Variants in HEPH observed in about 807,000 individuals in gnomAD.
HEPH encodes the protein hephaestin.
In HEPH, 69 loss-of-function variants were observed where a neutral mutation model predicts 80.8. The observed-to-expected ratio is 0.85, with a 90% CI of 0.70 to 1.04. HEPH has a LOEUF of 1.04. HEPH is among the 50% of genes least tolerant of loss of function. The probability of loss-of-function intolerance (pLI) is 0.00; values close to 1 mark genes in which losing one functional copy is unlikely to be tolerated. For synonymous variants in HEPH, 431 were observed against 322.8 expected, an observed-to-expected ratio of 1.34 and a Z score of -3.60; for missense variants, 1,115 against 891.3, an observed-to-expected ratio of 1.25 and a Z score of -3.20.
chrX:66,220,857 G>A (rs1351039035), intron 15 of HEPH, among the ~76,000 whole-genome samples: 6 of 110,857 alleles, frequency 5.4e-5, no homozygotes. Context: ...ACATCAGGTT[G>A]GTCATTTCCT....
Position 66,218,625 on chromosome X carries a change from C to G in HEPH, c.2563+10379C>G, listed in dbSNP as rs1260820033. ...AGTAAGGGCTTTATTCGACTGAGAG[C>G]TTCAGCAAGACTCATGTTTCCAACA... On this transcript the variant is annotated intron_variant, in intron 15 of 20. Coordinates refer to ENST00000343002, the MANE Select transcript of HEPH (RefSeq NM_001367233.3). Among the ~76,000 whole-genome samples the G allele has an allele frequency of 1.8e-5, 2 of 111,645 alleles. 1 individual carries two copies. The highest frequency in any genetic ancestry group is 3.8e-5 in the Non-Finnish European group (2 of 53,175).
At chrX:66,174,517 T>A (rs1342467389) in intron 4 of HEPH, among the ~76,000 whole-genome samples, 5 of 111,845 alleles carry the variant, frequency 4.5e-5, no homozygotes. Context: ...TTCCTCTGGG[T>A]AGATGCCCAA....
At position 66,260,123 on chromosome X, in the gene HEPH, TGTG is replaced by T; in HGVS notation, c.3065_3067del (p.Val1022del). On this transcript the variant is annotated inframe_deletion, in exon 19 of 21. Coordinates refer to ENST00000343002, the MANE Select transcript of HEPH (RefSeq NM_001367233.3). ...AGAATGGCGAGAACTACCGGGCAGA[TGTG>T]GTGGATCTGTTCCCAGGGACTTTTG... 1 of 1,209,250 alleles carries T rather than the reference TGTG, an allele frequency of 8.3e-7. No homozygotes were observed. The highest frequency in any genetic ancestry group is 1.1e-6 in the Non-Finnish European group (1 of 893,831).
At chrX:66,193,476 A>G (rs2087920114) in intron 7 of HEPH, 26 bp from the exon 8 acceptor site, 6 of 1,079,575 alleles carry the variant, frequency 5.6e-6, no homozygotes, top group Non-Finnish European at 6.3e-6. Context: ...ATGAAATAAT[A>G]TCATATTTTC....
chrX:66,201,791 G>T (rs1009500216), intron 12 of HEPH, among the ~76,000 whole-genome samples: 1 of 112,267 alleles, frequency 8.9e-6, no homozygotes, highest in Non-Finnish European at 1.9e-5. Flanking sequence ...CAATTTGGAG[G>T]CTATTGCAGT....
chrX:66,247,900 T>C (rs925432846), intron 15 of HEPH, among the ~76,000 whole-genome samples: 1 of 112,149 alleles, frequency 8.9e-6, no homozygotes, highest in African/African-American at 3.2e-5. Context: ...AACTAAATTA[T>C]AAATTAAGTT....
At chrX:66,263,536 T>G in intron 19 of HEPH, 108 bp from the exon 20 acceptor site, 1 of 839,112 alleles carries the variant, frequency 1.2e-6, no homozygotes, top group Non-Finnish European at 1.8e-6. Context: ...TTTTGCTTAC[T>G]TAATCACAGA....
intron 13 of HEPH, among the ~76,000 whole-genome samples, chrX:66,204,881 G>A (rs185122085): frequency 5.5e-4 from 62 of 111,852 alleles, no homozygotes; most frequent in Non-Finnish European, 1.0e-3. Flanking sequence ...TTAGTTGCTA[G>A]CATTCAGGTA....
rs200393902 is a variant in HEPH, at chrX:66,172,315, G to T, written c.168-40G>T. The T allele has an allele frequency of 2.1e-5, 24 of 1,153,318 alleles. No homozygotes were observed. The African/African-American group carries it at 4.0e-4, about 19-fold the overall frequency. ...GAAAAGGAACCTCTCAAGGCTTGAA[G>T]ATGGGGGGCAAAATTATGACTCTTT... On this transcript the variant is annotated intron_variant, in intron 2 of 20. Coordinates refer to ENST00000343002, the MANE Select transcript of HEPH (RefSeq NM_001367233.3).
chrX:66,262,154 G>A (rs745340769), intron 19 of HEPH, among the ~76,000 whole-genome samples: 1 of 111,939 alleles, frequency 8.9e-6, no homozygotes, highest in Non-Finnish European at 1.9e-5. Context: ...AACTCCATGT[G>A]TGTTAACAGG....
intron 15 of HEPH, among the ~76,000 whole-genome samples, chrX:66,243,234 A>G (rs971365510): frequency 8.9e-6 from 1 of 111,884 alleles, no homozygotes; most frequent in African/African-American, 3.2e-5. Flanking sequence ...AGAAACAGAA[A>G]ACCAAATACT....
chrX:66,258,999 GA>G lies in HEPH; in HGVS notation c.3036+21del. 1 of 1,192,208 alleles carries G rather than the reference GA, an allele frequency of 8.4e-7. No individual in the cohort carries two copies. The highest frequency in any genetic ancestry group is 1.1e-6 in the Non-Finnish European group (1 of 887,006). Reference sequence around the variant, plus strand: ...TATCGGGTGAGCTGGAAAATGGGCTGAGTCCCTCAAGGATGATTAGAACAGT... The same window carrying G: ...TATCGGGTGAGCTGGAAAATGGGCTGGTCCCTCAAGGATGATTAGAACAGT... On this transcript the variant is annotated intron_variant, in intron 18 of 20. Transcript: ENST00000343002.
rs761060276 is a variant in HEPH at position 66,188,397 on chromosome X, G to A, written c.664G>A (p.Val222Ile). 2 of 1,202,266 alleles carry A rather than the reference G, an allele frequency of 1.7e-6. No homozygotes were observed. Among genetic ancestry groups the A allele is most frequent in the South Asian group, 3.6e-5 (2 of 55,094 alleles). The change falls in exon 5 of 21, where the codon GTA (valine) becomes ATA (isoleucine). Residue 222 changes from valine (V) to isoleucine (I), a missense_variant. By Grantham distance (29) the Val-to-Ile change is conservative (BLOSUM62 3). Coordinates refer to ENST00000343002, the MANE Select transcript of HEPH (RefSeq NM_001367233.3). ...DGNSPPQRQD[V>I]DHDFFLLFSV... is the part of the protein sequence containing the mutation. ...GAACTCCCCTCCTCAACGCCAGGATGTAGACCATGATTTCTTCCTCCTCTT... is the reference window on the plus strand; with the variant it reads ...GAACTCCCCTCCTCAACGCCAGGATATAGACCATGATTTCTTCCTCCTCTT...
chrX:66,241,278 A>G (rs761070255), intron 15 of HEPH, among the ~76,000 whole-genome samples: 5 of 111,814 alleles, frequency 4.5e-5, no homozygotes, highest in Admixed American at 9.5e-5. Context: ...TTGAATGAAA[A>G]TGGGCTAAAC....
At chrX:66,199,619 T>A (rs1020109620) in intron 11 of HEPH, among the ~76,000 whole-genome samples, 2 of 112,178 alleles carry the variant, frequency 1.8e-5, no homozygotes, top group South Asian at 7.4e-4. Context: ...AAAAATGATA[T>A]GCTTCCTGTT....
intron 15 of HEPH, among the ~76,000 whole-genome samples, chrX:66,250,790 G>A (rs1193815134): frequency 8.9e-6 from 1 of 111,872 alleles, no homozygotes; most frequent in Non-Finnish European, 1.9e-5. Context: ...TGGTATGAAT[G>A]TACCACATTT....
chrX:66,179,802 C>T (rs979525783), intron 4 of HEPH, among the ~76,000 whole-genome samples: 6 of 111,646 alleles, frequency 5.4e-5, no homozygotes, highest in Admixed American at 9.5e-5. Flanking sequence ...TAATATTTTT[C>T]TGTTGAACAA....
intron 15 of HEPH, among the ~76,000 whole-genome samples, chrX:66,249,483 T>G (rs1023027339): frequency 9.0e-6 from 1 of 111,540 alleles, no homozygotes; most frequent in Non-Finnish European, 1.9e-5. Flanking sequence ...AGGAGTGTAT[T>G]GAAAGTTTGT....
Position 66,234,536 on chromosome X carries a change from G to C in HEPH, c.2564-20499G>C, listed in dbSNP as rs762661877. The stretch of plus-strand genomic sequence containing the variant: ...GAATTAATTTACACTCCCACCAACA[G>C]TGTATAAGCATTCCCTTTTCTCTGC... On this transcript the variant is annotated intron_variant, in intron 15 of 20. Transcript: ENST00000343002. Among the ~76,000 whole-genome samples, 3 of 110,826 alleles carry C rather than the reference G, an allele frequency of 2.7e-5. No homozygotes were observed. The South Asian group carries it at 1.1e-3, about 42-fold the overall frequency.
Sources: allele counts gnomAD v4.1 joint callset (sites outside exome capture counted in the v4.1 genomes callset), GRCh38; gene constraint gnomAD v4.1.1; transcripts MANE v1.5; gene names NCBI Gene and HGNC (gene_info 2026-07-23, HGNC 2026-07-21).